SPIN1: variants seen among roughly 807,000 people sequenced by gnomAD.
The protein encoded by SPIN1 is spindlin-1.
In SPIN1, 3 loss-of-function variants were observed where a neutral mutation model predicts 26.0. The observed-to-expected ratio is 0.12, with a 90% CI of 0.05 to 0.30. SPIN1 has a LOEUF of 0.30. Among genes scored for constraint, SPIN1 ranks in the 10% least tolerant of loss-of-function variants. The pLI is 1.00. For missense variants in SPIN1, 126 were observed against 333.4 expected (o/e 0.38, Z 4.84); for synonymous variants, 101 against 116.5 (o/e 0.87, Z 0.86).
At chr9:88,454,074 A>T (rs1038440381) in intron 3 of SPIN1, among the ~76,000 whole-genome samples, 3 of 152,182 alleles carry the variant, frequency 2.0e-5, no homozygotes, top group Non-Finnish European at 2.9e-5. Context: ...ACGAAACAAG[A>T]AAAGAGGTTA....
intron 2 of SPIN1, among the ~76,000 whole-genome samples, chr9:88,448,346 G>A (rs576823458): frequency 6.5e-4 from 99 of 151,918 alleles, no homozygotes; most frequent in African/African-American, 2.2e-3. Context: ...ACCCAGTTAA[G>A]TTTTTTTGTT....
intron 2 of SPIN1, among the ~76,000 whole-genome samples, chr9:88,429,564 T>C (rs1827825065): frequency 6.6e-6 from 1 of 152,186 alleles, no homozygotes; most frequent in African/African-American, 2.4e-5. Flanking sequence ...AACAGCCAGA[T>C]GGAAGAAGGA....
chr9:88,478,036 C>T lies in SPIN1; in HGVS notation c.*2759C>T, dbSNP rs182218278. On this transcript the variant is annotated 3_prime_UTR_variant, in exon 6 of 6. Transcript: ENST00000375859. ...TTTCAGTTTCCTGTATATTTGCTTA[C>T]TGTGCCGTTTTAGTGGTTTTAGGAT... The T allele has an allele frequency of 5.9e-5, 9 of 152,114 alleles. No homozygotes were observed. Among genetic ancestry groups the T allele is most frequent in the Admixed American group, 3.3e-4 (5 of 15,282 alleles). The allele number at this position is 152,114 out of a possible 1,614,324, so 9.4% of individuals were successfully genotyped here.
At chr9:88,421,311 GTGT>G (rs1331158517) in intron 1 of SPIN1, among the ~76,000 whole-genome samples, 1 of 152,082 alleles carries the variant, frequency 6.6e-6, no homozygotes, top group Non-Finnish European at 1.5e-5. Context: ...GTGTGTCTGT[GTGT>G]TTTTTCTTTT....
Position 88,477,346 on chromosome 9 carries a change from TGGGTCAATTGAG to T in SPIN1, c.*2070_*2081del, listed in dbSNP as rs1828907087. On this transcript the variant is annotated 3_prime_UTR_variant, in exon 6 of 6. Transcript: ENST00000375859. ...GTACATTTTGAAGTATCTTGAGGGT[TGGGTCAATTGAG>T]ACATTTCTAGCATTACTTAATGACT... 1 of 152,234 alleles carries T rather than the reference TGGGTCAATTGAG, an allele frequency of 6.6e-6. No individual in the cohort carries two copies. The highest frequency in any genetic ancestry group is 6.5e-5 in the Admixed American group (1 of 15,282). The allele number at this position is 152,234 out of a possible 1,614,324, so 9.4% of individuals were successfully genotyped here.
intron 3 of SPIN1, among the ~76,000 whole-genome samples, chr9:88,459,135 G>C (rs1828529021): frequency 6.6e-6 from 1 of 152,204 alleles, no homozygotes; most frequent in Non-Finnish European, 1.5e-5. Context: ...TCTATCCTTA[G>C]TGAGGTTTGG....
intron 1 of SPIN1, among the ~76,000 whole-genome samples, chr9:88,420,929 G>C (rs1384934689): frequency 6.6e-6 from 1 of 152,184 alleles, no homozygotes. Context: ...CTTCAGGCCT[G>C]TTCTGTCTGT....
At chr9:88,408,954 GC>G (rs1222451284) in intron 1 of SPIN1, among the ~76,000 whole-genome samples, 1 of 147,366 alleles carries the variant, frequency 6.8e-6, no homozygotes, top group East Asian at 2.0e-4. Context: ...GAGCCACAGC[GC>G]CCGGCCCTTT....
intron 1 of SPIN1, among the ~76,000 whole-genome samples, chr9:88,406,870 T>C (rs952804640): frequency 6.6e-6 from 1 of 152,192 alleles, no homozygotes; most frequent in Non-Finnish European, 1.5e-5. Context: ...TCCTGGATAC[T>C]CTGTTGAGCT....
At chr9:88,402,204 T>C (rs1181145146) in intron 1 of SPIN1, among the ~76,000 whole-genome samples, 1 of 152,016 alleles carries the variant, frequency 6.6e-6, no homozygotes, top group African/African-American at 2.4e-5. Flanking sequence ...TGTTGGCCAT[T>C]CTGGTCTGGG....
intron 1 of SPIN1, among the ~76,000 whole-genome samples, chr9:88,415,905 G>A (rs368157057): frequency 2.8e-5 from 4 of 143,072 alleles, no homozygotes; most frequent in African/African-American, 1.2e-4. Context: ...CACCATGCTC[G>A]GCTAATTTTT....
At chr9:88,406,459 T>C (rs1211759801) in intron 1 of SPIN1, among the ~76,000 whole-genome samples, 2 of 151,882 alleles carry the variant, frequency 1.3e-5, no homozygotes, top group Non-Finnish European at 1.5e-5. Context: ...CCTCAGCTAA[T>C]TTTTTTGTAT....
intron 3 of SPIN1, among the ~76,000 whole-genome samples, chr9:88,453,773 G>T (rs544636715): frequency 1.4e-4 from 22 of 152,250 alleles, no homozygotes; most frequent in African/African-American, 5.3e-4. Context: ...TGATCCATCC[G>T]CCTTGGCCTC....
At chr9:88,460,423 C>G (rs1178352000) in intron 3 of SPIN1, among the ~76,000 whole-genome samples, 1 of 152,072 alleles carries the variant, frequency 6.6e-6, no homozygotes, top group Non-Finnish European at 1.5e-5. Context: ...CTTTTCTGTT[C>G]CTGATACATG....
intron 2 of SPIN1, among the ~76,000 whole-genome samples, chr9:88,432,654 TTTC>T (rs1257593370): frequency 6.7e-6 from 1 of 150,300 alleles, no homozygotes; most frequent in Non-Finnish European, 1.5e-5. Flanking sequence ...CAGCTAATTT[TTTC>T]TTTTTTCTTT....
intron 3 of SPIN1, chr9:88,457,759 T>G (rs1828498766): frequency 1.1e-6 from 1 of 880,152 alleles, no homozygotes; most frequent in African/African-American, 1.8e-5. Flanking sequence ...GCGTTTGTAT[T>G]CCTGAACTTT....
chr9:88,438,792 G>C (rs563560837), intron 2 of SPIN1, among the ~76,000 whole-genome samples: 1 of 152,314 alleles, frequency 6.6e-6, no homozygotes, highest in Non-Finnish European at 1.5e-5. Context: ...ACAATTGGGT[G>C]ATGAAGATGA....
At chr9:88,448,819 C>A in intron 2 of SPIN1, 122 bp from the exon 3 acceptor site, 2 of 720,094 alleles carry the variant, frequency 2.8e-6, no homozygotes, top group South Asian at 2.1e-5. Context: ...AACATGTTTG[C>A]TGGTAGTGGT....
chr9:88,449,378 C>A (rs1473977225), intron 3 of SPIN1, among the ~76,000 whole-genome samples: 1 of 152,118 alleles, frequency 6.6e-6, no homozygotes, highest in Non-Finnish European at 1.5e-5. Context: ...TGGGCAGAGA[C>A]CGTGTCTTAA....
Sources: gnomAD v4.1 joint callset for allele counts (sites outside exome capture counted in the v4.1 genomes callset) on GRCh38, gnomAD v4.1.1 for gene constraint, MANE v1.5 for transcripts, NCBI Gene and HGNC (gene_info 2026-07-23, HGNC 2026-07-21) for gene names.